RERE: variants seen among roughly 807,000 people sequenced by gnomAD.
RERE encodes arginine-glutamic acid dipeptide repeats.
In RERE, 40 loss-of-function variants were observed where a neutral mutation model predicts 146.1. The ratio of observed to expected loss-of-function variants is 0.27; its 90% CI spans 0.21 to 0.36. The LOEUF (loss-of-function observed/expected upper bound fraction) is 0.36. Ranked by LOEUF, RERE falls within the 10% of genes least tolerant of loss-of-function variation. The probability of loss-of-function intolerance (pLI) is 1.00; values close to 1 mark genes in which losing one functional copy is unlikely to be tolerated. For missense variants in RERE, 1,933 were observed against 2,138.7 expected (o/e 0.90, Z 1.90); for synonymous variants, 1,003 against 866.0 (o/e 1.16, Z -2.78).
intron 4 of RERE, among the ~76,000 whole-genome samples, chr1:8,561,605 T>C (rs1252315020): frequency 6.6e-6 from 1 of 152,184 alleles, no homozygotes; most frequent in Admixed American, 6.5e-5. Context: ...CAAAACCAAG[T>C]AGATAAAATG....
At chr1:8,622,144 A>G (rs528320855) in intron 3 of RERE, among the ~76,000 whole-genome samples, 151 of 152,292 alleles carry the variant, frequency 9.9e-4, no homozygotes, top group Non-Finnish European at 1.9e-3. Flanking sequence ...ATTGCTGTTA[A>G]TACCCTGAGC....
At chr1:8,750,907 CA>C in intron 1 of RERE, 1 of 834,418 alleles carries the variant, frequency 1.2e-6, no homozygotes, top group Non-Finnish European at 2.0e-6. Flanking sequence ...ATAGTTATGG[CA>C]AAATCAATAA....
chr1:8,423,780 G>C lies in RERE; in HGVS notation c.1204-973C>G. Reference sequence around the variant, plus strand: ...TGGGGCCGCCGCTGACGGGGGAGGAGGCAGGAGCGCGGCGCGCAGAGCCCG... The same window carrying C: ...TGGGGCCGCCGCTGACGGGGGAGGACGCAGGAGCGCGGCGCGCAGAGCCCG... On this transcript the variant is annotated intron_variant, in intron 11 of 22. Transcript: ENST00000400908. The surrounding 1 kb of genome is among the most constrained non-coding windows in gnomAD (Gnocchi z 5.4). The C allele has an allele frequency of 1.3e-6, 1 of 782,258 alleles. No individual in the cohort carries two copies. Among genetic ancestry groups the C allele is most frequent in the Non-Finnish European group, 1.5e-6 (1 of 647,782 alleles). The allele number at this position is 782,258 out of a possible 1,614,324, so 48.5% of individuals were successfully genotyped here.
At chr1:8,705,111 C>A (rs1015166572) in intron 1 of RERE, among the ~76,000 whole-genome samples, 12 of 152,112 alleles carry the variant, frequency 7.9e-5, no homozygotes, top group African/African-American at 2.9e-4. Flanking sequence ...AAAAGAATTT[C>A]TTTTTTCTTT....
chr1:8,516,227 GA>G (rs58064164), intron 7 of RERE, among the ~76,000 whole-genome samples: 722 of 52,272 alleles, frequency 0.014, 16 homozygotes, highest in African/African-American at 0.053. Context: ...TCTCTCAGAG[GA>G]AAAAAAAAAA....
intron 12 of RERE, among the ~76,000 whole-genome samples, chr1:8,385,996 AT>A (rs1557603056): frequency 1.4e-3 from 35 of 25,344 alleles, no homozygotes; most frequent in African/African-American, 2.5e-3. Context: ...AAAAAAAAAT[AT>A]ATATATATAT....
intron 12 of RERE, among the ~76,000 whole-genome samples, chr1:8,407,038 A>G (rs1643463883): frequency 6.6e-6 from 1 of 152,220 alleles, no homozygotes; most frequent in East Asian, 1.9e-4. Context: ...GTGGAAAGTT[A>G]ATGAACATGG....
At chr1:8,735,159 G>T (rs1640172179) in intron 1 of RERE, among the ~76,000 whole-genome samples, 1 of 152,094 alleles carries the variant, frequency 6.6e-6, no homozygotes, top group African/African-American at 2.4e-5. Flanking sequence ...TATAAATAAA[G>T]AATAAGAATT....
intron 7 of RERE, among the ~76,000 whole-genome samples, chr1:8,530,674 GT>G (rs1645632322): frequency 8.6e-6 from 1 of 116,926 alleles, no homozygotes; most frequent in Admixed American, 9.1e-5. Flanking sequence ...CTGAGTTTTC[GT>G]TTTCTTTTTT....
intron 6 of RERE, among the ~76,000 whole-genome samples, chr1:8,548,718 C>T (rs1220405308): frequency 2.0e-5 from 3 of 152,212 alleles, no homozygotes; most frequent in Admixed American, 2.0e-4. Flanking sequence ...GGCCCAGTGG[C>T]TCACGCCTGT....
At chr1:8,490,747 AAT>A (rs1302004730) in intron 10 of RERE, among the ~76,000 whole-genome samples, 8 of 150,582 alleles carry the variant, frequency 5.3e-5, no homozygotes, top group Admixed American at 2.0e-4. Context: ...ATTTTAAAAA[AAT>A]AAAAAAAACA....
chr1:8,521,502 A>T (rs1475380405), intron 7 of RERE, among the ~76,000 whole-genome samples: 2 of 152,144 alleles, frequency 1.3e-5, no homozygotes, highest in Admixed American at 6.5e-5. Flanking sequence ...AAAATTTAAA[A>T]ATATATGTTG....
chr1:8,390,574 C>T (rs1025314147), intron 12 of RERE, among the ~76,000 whole-genome samples: 1 of 152,132 alleles, frequency 6.6e-6, no homozygotes, highest in African/African-American at 2.4e-5. Context: ...GAGACCCAAA[C>T]AAATAGTGAA....
At chr1:8,661,265 A>G (rs1221431349) in intron 1 of RERE, among the ~76,000 whole-genome samples, 1 of 152,186 alleles carries the variant, frequency 6.6e-6, no homozygotes, top group African/African-American at 2.4e-5. Context: ...CTCAAGACAC[A>G]GGAGACCAGA....
rs1644362634 is a variant in RERE at position 8,449,242 on chromosome 1, T to C, written c.1203+16683A>G. 2.0e-5 allele frequency among the ~76,000 whole-genome samples: 3 copies of C among 151,724 alleles called. No homozygotes were observed. The South Asian group carries it at 6.2e-4, about 31-fold the overall frequency. On this transcript the variant is annotated intron_variant, in intron 11 of 22. Coordinates refer to ENST00000400908, the MANE Select transcript of RERE (RefSeq NM_001042681.2). Reference sequence around the variant, plus strand: ...ACACATCAAGCTCCTTCATGTCTTCTGTTTGTTTGTTTTAGGCCCTCCAGC... The same window carrying C: ...ACACATCAAGCTCCTTCATGTCTTCCGTTTGTTTGTTTTAGGCCCTCCAGC...
Position 8,423,037 on chromosome 1 carries a change from G to A in RERE, c.1204-230C>T, listed in dbSNP as rs1377571130. 2 of 503,054 alleles carry A rather than the reference G, an allele frequency of 4.0e-6. No homozygotes were observed. The highest frequency in any genetic ancestry group is 7.3e-6 in the Non-Finnish European group (2 of 275,744). The allele number at this position is 503,054 out of a possible 1,614,324, so 31.2% of individuals were successfully genotyped here. On this transcript the variant is annotated intron_variant, in intron 11 of 22. Transcript: ENST00000400908. The surrounding 1 kb of genome is among the most constrained non-coding windows in gnomAD (Gnocchi z 5.4). ...TCCCACCCACCACGCAGGGCAGCGC[G>A]TTTAAGAGAAGGACGTCCTGCGTCT... is the stretch of plus-strand genomic sequence containing the variant.
chr1:8,534,060 T>C (rs1267451289), intron 7 of RERE, among the ~76,000 whole-genome samples: 1 of 152,212 alleles, frequency 6.6e-6, no homozygotes, highest in East Asian at 1.9e-4. Flanking sequence ...AAAATTTGTA[T>C]CCAGCTCTAG....
intron 4 of RERE, among the ~76,000 whole-genome samples, chr1:8,596,165 T>C (rs1268439010): frequency 6.6e-6 from 1 of 152,162 alleles, no homozygotes; most frequent in Non-Finnish European, 1.5e-5. Flanking sequence ...GAAAAAACTA[T>C]CTGGCCCCTA....
intron 4 of RERE, among the ~76,000 whole-genome samples, chr1:8,565,608 G>A (rs767591475): frequency 7.2e-5 from 11 of 151,926 alleles, no homozygotes; most frequent in Non-Finnish European, 1.2e-4. Flanking sequence ...TCGGGAGGCT[G>A]AGTGAGGCAG....
Sources: gnomAD v4.1 joint callset for allele counts (sites outside exome capture counted in the v4.1 genomes callset) on GRCh38, gnomAD v4.1.1 for gene constraint, Gnocchi (gnomAD v3.1) non-coding constraint, MANE v1.5 for transcripts, NCBI Gene and HGNC (gene_info 2026-07-23, HGNC 2026-07-21) for gene names.